MLPH: variants seen among roughly 807,000 people sequenced by gnomAD.
MLPH encodes the protein melanophilin.
A neutral mutation model predicts 72.1 loss-of-function variants in MLPH; 51 were observed. That is an observed-to-expected ratio of 0.71 (90% CI 0.56 to 0.89). The LOEUF is 0.89. Among genes scored for constraint, MLPH ranks in the 40% least tolerant of loss-of-function variants. MLPH has a pLI of 0.00. For missense variants in MLPH, 743 were observed against 759.9 expected (o/e 0.98, Z 0.26); for synonymous variants, 301 against 310.1 (o/e 0.97, Z 0.31).
chr2:237,500,554 C>T (rs2079624643), intron 2 of MLPH, among the ~76,000 whole-genome samples: 1 of 152,208 alleles, frequency 6.6e-6, no homozygotes, highest in Non-Finnish European at 1.5e-5. Flanking sequence ...CCCAAGTTTA[C>T]ACCCACATCA....
Position 237,491,554 on chromosome 2 carries a change from T to A in MLPH, c.-24-1849T>A, listed in dbSNP as rs185114183. On this transcript the variant is annotated intron_variant, in intron 1 of 15. Transcript: ENST00000264605. ...GTGCTATTCTTGTGGAGCTTAACAA[T>A]AACTAATGAGACATCACCAACTGTT... Among the ~76,000 whole-genome samples the A allele has an allele frequency of 1.2e-4, 18 of 152,258 alleles. No individual in the cohort carries two copies. In the East Asian group the frequency reaches 3.3e-3, roughly 28 times the overall value.
Position 237,512,752 on chromosome 2 carries a change from C to T in MLPH, c.445+1651C>T, listed in dbSNP as rs1478586071. ...ACACATAACACCGGGAAAAGCCATG[C>T]TGTCAAGCATCTCAGAATCTCAACC... On this transcript the variant is annotated intron_variant, in intron 4 of 15. Transcript: ENST00000264605. This position sits in a 1 kb window ranked among gnomAD's most constrained non-coding sequence, Gnocchi z 5.5. 1.3e-5 allele frequency among the ~76,000 whole-genome samples: 2 copies of T among 152,130 alleles called. No individual in the cohort carries two copies. The highest frequency in any genetic ancestry group is 6.5e-5 in the Admixed American group (1 of 15,274).
At chr2:237,545,460 C>A in intron 12 of MLPH, 5 of 1,288,270 alleles carry the variant, frequency 3.9e-6, no homozygotes, top group Non-Finnish European at 5.1e-6. Context: ...TAAAAAGGCT[C>A]TTTATGAGGG....
intron 13 of MLPH, 93 bp downstream of exon 13, chr2:237,546,776 G>C: frequency 1.9e-6 from 2 of 1,038,860 alleles, no homozygotes; most frequent in Admixed American, 1.7e-5. Flanking sequence ...GGGTGGCAGA[G>C]ATGCAATGTC....
chr2:237,520,082 G>A, intron 6 of MLPH, 53 bp downstream of exon 6: 1 of 1,612,614 alleles, frequency 6.2e-7, no homozygotes. Context: ...CTGAGTGGCA[G>A]GTGCTCAGGC....
In MLPH at chr2:237,536,076, G is replaced by A. The variant is rs568819027; in HGVS notation, c.1104+1429G>A. Among the ~76,000 whole-genome samples, 23 of 152,276 alleles carry A rather than the reference G, an allele frequency of 1.5e-4. No individual in the cohort carries two copies. The South Asian group carries it at 4.6e-3, about 30-fold the overall frequency. Reference sequence around the variant, plus strand: ...GATTTCACTCCGCAGGACGCTCCTTGTAGCACCCTAGGTTTGCAGCTGCTC... The same window carrying A: ...GATTTCACTCCGCAGGACGCTCCTTATAGCACCCTAGGTTTGCAGCTGCTC... On this transcript the variant is annotated intron_variant, in intron 9 of 15. Coordinates refer to ENST00000264605, the MANE Select transcript of MLPH (RefSeq NM_024101.7).
At chr2:237,544,505 G>GA (rs373406553) in intron 12 of MLPH, among the ~76,000 whole-genome samples, 4 of 7,670 alleles carry the variant, frequency 5.2e-4, no homozygotes, top group African/African-American at 2.5e-3. Context: ...GTGGTGAGTG[G>GA]GGGGACAGTG....
intron 8 of MLPH, among the ~76,000 whole-genome samples, chr2:237,532,752 T>C (rs1379610136): frequency 6.6e-6 from 1 of 152,252 alleles, no homozygotes; most frequent in Non-Finnish European, 1.5e-5. Context: ...GTGATGCTAC[T>C]CCCACCAGAG....
intron 9 of MLPH, among the ~76,000 whole-genome samples, chr2:237,535,748 C>T (rs115875956): frequency 0.025 from 3,788 of 152,260 alleles, 61 homozygotes; most frequent in Middle Eastern, 0.044. Flanking sequence ...TAAAGTTTCA[C>T]TTATATAGGC....
chr2:237,553,518 C>G, intron 15 of MLPH, 48 bp from the exon 16 acceptor site: 1 of 1,578,000 alleles, frequency 6.3e-7, no homozygotes, highest in Non-Finnish European at 8.7e-7. Flanking sequence ...GTGTTACATG[C>G]CTGTGTATGT....
At chr2:237,549,135 G>A in intron 13 of MLPH, 86 bp from the exon 14 acceptor site, 1 of 1,267,084 alleles carries the variant, frequency 7.9e-7, no homozygotes, top group Admixed American at 1.8e-5. Flanking sequence ...ATTAGAAGCT[G>A]GAAGAACAAT....
At chr2:237,487,626 A>C (rs1473884028) in intron 1 of MLPH, among the ~76,000 whole-genome samples, 189 bp downstream of exon 1, 1 of 152,224 alleles carries the variant, frequency 6.6e-6, no homozygotes, top group East Asian at 1.9e-4. Context: ...TTAGTCCCCC[A>C]GGCTTCACCT....
At chr2:237,537,048 G>C (rs913848613) in intron 9 of MLPH, among the ~76,000 whole-genome samples, 3 of 152,256 alleles carry the variant, frequency 2.0e-5, no homozygotes, top group African/African-American at 7.2e-5. Flanking sequence ...TCAAGGAGCT[G>C]GACCTGAGAG....
At chr2:237,492,463 A>T (rs74921975) in intron 1 of MLPH, among the ~76,000 whole-genome samples, 2 of 91,874 alleles carry the variant, frequency 2.2e-5, no homozygotes, top group African/African-American at 1.0e-4. Flanking sequence ...ACTCGTCTCT[A>T]AAAAAAAAAA....
chr2:237,530,709 T>C (rs1453881213), intron 8 of MLPH, among the ~76,000 whole-genome samples: 2 of 152,212 alleles, frequency 1.3e-5, no homozygotes, highest in Non-Finnish European at 2.9e-5. Flanking sequence ...GCGTCACCCA[T>C]TGGGGCCCAC....
chr2:237,519,867 G>T, intron 5 of MLPH, 43 bp from the exon 6 acceptor site: 1 of 1,613,762 alleles, frequency 6.2e-7, no homozygotes. Flanking sequence ...TCTCCCTCAA[G>T]CTAGCCCTGA....
Position 237,510,992 on chromosome 2 carries a change from C to A in MLPH, c.336C>A (p.Val112=). The A allele has an allele frequency of 1.2e-6, 2 of 1,613,382 alleles. No homozygotes were observed. The highest frequency in any genetic ancestry group is 2.2e-5 in the South Asian group (2 of 91,008). ...WICDPCHLAR[V]VKIGSLEWYY... is the part of the protein sequence containing the mutation. ...GAGCCTGTGCTTGTCCCTGCAGAGT[C>A]GTGAAGATCGGCTCACTGGAGTGGT... is the stretch of plus-strand genomic sequence containing the variant. The change falls in exon 4 of 16, where the codon GTC becomes GTA. Residue 112 remains valine, a synonymous_variant. Coordinates refer to ENST00000264605, the MANE Select transcript of MLPH (RefSeq NM_024101.7). The surrounding 1 kb of genome is among the most constrained non-coding windows in gnomAD (Gnocchi z 4.4).
At chr2:237,538,017 C>T (rs1004702204) in intron 9 of MLPH, among the ~76,000 whole-genome samples, 4 of 152,210 alleles carry the variant, frequency 2.6e-5, no homozygotes, top group African/African-American at 4.8e-5. Flanking sequence ...AGTGAATGGG[C>T]GTCGTCTTCC....
chr2:237,548,058 C>T (rs547724592), intron 13 of MLPH, among the ~76,000 whole-genome samples: 1 of 152,242 alleles, frequency 6.6e-6, no homozygotes, highest in Non-Finnish European at 1.5e-5. Context: ...AGGATGTTTA[C>T]AGCACCCAGC....
Sources: gnomAD v4.1 joint callset for allele counts (sites outside exome capture counted in the v4.1 genomes callset) on GRCh38, gnomAD v4.1.1 for gene constraint, Gnocchi (gnomAD v3.1) non-coding constraint, MANE v1.5 for transcripts, NCBI Gene and HGNC (gene_info 2026-07-23, HGNC 2026-07-21) for gene names.